The following EFCAB7 variants were observed in gnomAD, a reference collection of about 807,000 sequenced individuals.
The protein encoded by EFCAB7 is EF-hand calcium binding domain 7, also known as EF-hand calcium-binding domain-containing protein 7.
A neutral mutation model predicts 77.1 loss-of-function variants in EFCAB7; 66 were observed. The observed-to-expected ratio is 0.86, with a 90% CI of 0.70 to 1.05. The LOEUF is 1.05. Ranked by LOEUF, EFCAB7 falls within the 50% of genes least tolerant of loss-of-function variation. The pLI is 0.00. For synonymous variants in EFCAB7, 225 were observed against 243.3 expected, an observed-to-expected ratio of 0.92 and a Z score of 0.70; for missense variants, 638 against 730.5, an observed-to-expected ratio of 0.87 and a Z score of 1.46.
intron 5 of EFCAB7, 41 bp downstream of exon 5, chr1:63,533,690 AAG>A: frequency 7.0e-7 from 1 of 1,421,046 alleles, no homozygotes. Context: ...ATCAGAAATG[AAG>A]AGTCATATTC....
chr1:63,549,388 T>A (rs772333019), intron 7 of EFCAB7: 2 of 470,214 alleles, frequency 4.3e-6, no homozygotes, highest in African/African-American at 4.0e-5. Flanking sequence ...CTTTTTTAGT[T>A]GATGCCAAAG....
intron 6 of EFCAB7, 57 bp from the exon 7 acceptor site, chr1:63,545,859 T>C: frequency 7.0e-7 from 1 of 1,432,008 alleles, no homozygotes; most frequent in Non-Finnish European, 9.8e-7. Flanking sequence ...CTCATTACTA[T>C]GCATACTGGA....
rs762401738 is a variant in EFCAB7 at position 63,546,059 on chromosome 1, C to A, written c.946+2C>A. On this transcript the variant is annotated splice_donor_variant, in intron 7 of 13. Transcript: ENST00000371088. LOFTEE classifies it high-confidence loss of function. ...CATTAAACCTGAGTCAAGTTGAAGG[C>A]AAGTTTAAGTTTTTTGTATATTTTT... 4 of 1,602,898 alleles carry A rather than the reference C, an allele frequency of 2.5e-6. No individual in the cohort carries two copies. The highest frequency in any genetic ancestry group is 1.8e-5 in the Admixed American group (1 of 55,736).
At chr1:63,560,608 C>G (rs1272203735) in intron 10 of EFCAB7, among the ~76,000 whole-genome samples, 1 of 151,464 alleles carries the variant, frequency 6.6e-6, no homozygotes, top group African/African-American at 2.4e-5. Flanking sequence ...CCTCCGCCTC[C>G]CAGGTTCAAG....
chr1:63,540,537 G>T (rs570762075), intron 6 of EFCAB7, among the ~76,000 whole-genome samples: 7 of 152,066 alleles, frequency 4.6e-5, no homozygotes, highest in Admixed American at 3.9e-4. Context: ...ACCTAATATT[G>T]CTACAAACTC....
intron 2 of EFCAB7, among the ~76,000 whole-genome samples, chr1:63,528,758 A>C (rs1215456742): frequency 6.6e-6 from 1 of 152,096 alleles, no homozygotes; most frequent in African/African-American, 2.4e-5. Context: ...TAAGGAAGAA[A>C]TTTTGCAGGA....
At chr1:63,584,480 A>G in the EFCAB7 span, among the ~76,000 whole-genome samples, 8 of 152,172 alleles carry the variant, frequency 5.3e-5, no homozygotes, top group Non-Finnish European at 1.2e-4. Context: ...TGAGCCCAGG[A>G]GTTCGAGGCT....
At chr1:63,524,464 C>A (rs546428987) in intron 1 of EFCAB7, among the ~76,000 whole-genome samples, 2 of 152,218 alleles carry the variant, frequency 1.3e-5, no homozygotes, top group South Asian at 4.2e-4. Context: ...TCTTTCTTTC[C>A]CAAGTGTAAA....
intron 11 of EFCAB7, among the ~76,000 whole-genome samples, chr1:63,566,153 AT>A (rs1377889284): frequency 6.6e-6 from 1 of 152,264 alleles, no homozygotes; most frequent in Non-Finnish European, 1.5e-5. Context: ...ACACCATGGG[AT>A]ACTATACAGC....
chr1:63,562,491 AT>A (rs1557687322), intron 11 of EFCAB7, among the ~76,000 whole-genome samples: 4 of 77,884 alleles, frequency 5.1e-5, no homozygotes, highest in African/African-American at 2.7e-4. Flanking sequence ...ATATATATAT[AT>A]ATAAAACTTT....
chr1:63,550,893 G>A (rs548767503), intron 7 of EFCAB7, among the ~76,000 whole-genome samples: 1 of 152,270 alleles, frequency 6.6e-6, no homozygotes, highest in South Asian at 2.1e-4. Context: ...TGGAAAGACT[G>A]AGTTACCATT....
chr1:63,540,345 CAG>C (rs1469924820), intron 6 of EFCAB7, among the ~76,000 whole-genome samples: 2 of 121,880 alleles, frequency 1.6e-5, no homozygotes, highest in African/African-American at 3.2e-5. Context: ...GCCTGGGTGA[CAG>C]AGTGAGACTC....
chr1:63,557,383 T>A (rs1173213253), intron 10 of EFCAB7, 136 bp downstream of exon 10: 3 of 767,944 alleles, frequency 3.9e-6, no homozygotes, highest in Non-Finnish European at 5.7e-6. Flanking sequence ...TAGTATTGTT[T>A]GTAGATCATA....
chr1:63,533,696 C>A, intron 5 of EFCAB7, 47 bp downstream of exon 5: 2 of 1,367,412 alleles, frequency 1.5e-6, no homozygotes, highest in East Asian at 2.4e-5. Context: ...AATGAAGAGT[C>A]ATATTCAGAT....
chr1:63,533,657 C>T lies in EFCAB7; in HGVS notation c.682+8C>T. On this transcript the variant is annotated splice_region_variant and intron_variant, in intron 5 of 13. Coordinates refer to ENST00000371088, the MANE Select transcript of EFCAB7 (RefSeq NM_032437.4). ...AAACATTCTTAAATAAAGGTATTTA[C>T]TTTTAACACTAAGAATTTCTTGATC... The T allele has an allele frequency of 6.5e-7, 1 of 1,528,356 alleles. No individual in the cohort carries two copies. The allele number at this position is 1,528,356 out of a possible 1,614,324, so 94.7% of individuals were successfully genotyped here. A position where few individuals can be genotyped will look rare whatever the true frequency, so the allele number is the denominator to read the frequency against.
chr1:63,565,230 G>T (rs1647155597), intron 11 of EFCAB7, among the ~76,000 whole-genome samples: 1 of 151,924 alleles, frequency 6.6e-6, no homozygotes, highest in South Asian at 2.1e-4. Context: ...ATGGTGGCAG[G>T]TGCCTGTAGT....
At chr1:63,576,496 A>C (rs1328357238), downstream of EFCAB7, among the ~76,000 whole-genome samples, 3 of 151,348 alleles carry the variant, frequency 2.0e-5, no homozygotes, top group Non-Finnish European at 2.9e-5. Context: ...ACAACAACAA[A>C]AAAACAAAAA....
intron 10 of EFCAB7, 48 bp from the exon 11 acceptor site, chr1:63,561,659 GTT>G: frequency 4.1e-6 from 5 of 1,217,232 alleles, no homozygotes; most frequent in Non-Finnish European, 5.6e-6. Context: ...TTTTATTAAA[GTT>G]ATGAATTTTT....
At chr1:63,558,851 C>T (rs77916907) in intron 10 of EFCAB7, among the ~76,000 whole-genome samples, 2,395 of 151,754 alleles carry the variant, frequency 0.016, 25 homozygotes, top group Non-Finnish European at 0.022. Context: ...CAAGCACTGC[C>T]TCCTAATAAA....
Sources: allele counts gnomAD v4.1 joint callset (sites outside exome capture counted in the v4.1 genomes callset), GRCh38; gene constraint gnomAD v4.1.1; transcripts MANE v1.5; gene names NCBI Gene and HGNC (gene_info 2026-07-23, HGNC 2026-07-21).